The following MIR2052HG variants were observed in gnomAD, a reference collection of about 807,000 sequenced individuals.
The protein encoded by MIR2052HG is MIR2052 host gene.
intron 2 of MIR2052HG, among the ~76,000 whole-genome samples, chr8:74,666,351 A>G (rs1410566284): frequency 6.6e-6 from 1 of 152,210 alleles, no homozygotes; most frequent in African/African-American, 2.4e-5. Flanking sequence ...CCTAACTTCA[A>G]AGCCCACCCA....
At chr8:74,663,402 A>T (rs887976142) in intron 2 of MIR2052HG, among the ~76,000 whole-genome samples, 4 of 152,196 alleles carry the variant, frequency 2.6e-5, no homozygotes, top group African/African-American at 9.6e-5. Flanking sequence ...GTTTTTACCT[A>T]TCCCAAATTT....
chr8:74,651,357 T>TG (rs1808749399), intron 2 of MIR2052HG, among the ~76,000 whole-genome samples: 1 of 152,132 alleles, frequency 6.6e-6, no homozygotes, highest in South Asian at 2.1e-4. Context: ...TGAATGTGTT[T>TG]GACAGGTAAT....
intron 1 of MIR2052HG, among the ~76,000 whole-genome samples, chr8:74,601,566 C>G (rs1025092122): frequency 6.6e-6 from 1 of 152,196 alleles, no homozygotes; most frequent in African/African-American, 2.4e-5. Context: ...TAATATTGAT[C>G]AAACTTTATA....
chr8:74,636,615 A>T (rs1267281962), intron 2 of MIR2052HG, among the ~76,000 whole-genome samples: 1 of 152,146 alleles, frequency 6.6e-6, no homozygotes, highest in African/African-American at 2.4e-5. Context: ...GTCTTTCACC[A>T]TTTTATGGCT....
chr8:74,646,901 C>T (rs1808694270), intron 2 of MIR2052HG, among the ~76,000 whole-genome samples: 1 of 152,000 alleles, frequency 6.6e-6, no homozygotes. Flanking sequence ...GAACTTCAGT[C>T]TGGGTAACAG....
At chr8:74,621,349 C>T (rs781641820) in intron 2 of MIR2052HG, among the ~76,000 whole-genome samples, 1 of 152,190 alleles carries the variant, frequency 6.6e-6, no homozygotes, top group Non-Finnish European at 1.5e-5. Flanking sequence ...TTTATAGCAG[C>T]ACTCCACTCT....
chr8:74,714,678 G>A (rs1174512489), intron 4 of MIR2052HG, among the ~76,000 whole-genome samples: 1 of 149,742 alleles, frequency 6.7e-6, no homozygotes, highest in Non-Finnish European at 1.5e-5. Context: ...AGCCTTCTTT[G>A]GGAGACCTCC....
At chr8:74,729,208 GA>G (rs1397889563) in intron 4 of MIR2052HG, among the ~76,000 whole-genome samples, 10 of 152,132 alleles carry the variant, frequency 6.6e-5, no homozygotes, top group Non-Finnish European at 1.0e-4. Flanking sequence ...AAGCTCCTCT[GA>G]TTTGATTGCT....
intron 1 of MIR2052HG, among the ~76,000 whole-genome samples, chr8:74,604,607 T>TTTTG (rs1563509484): frequency 2.1e-5 from 3 of 140,982 alleles, no homozygotes; most frequent in African/African-American, 8.2e-5. Context: ...TTTTTTTTTT[T>TTTTG]TCTGAGACGG....
At chr8:74,651,474 T>A (rs1401564422) in intron 2 of MIR2052HG, among the ~76,000 whole-genome samples, 1 of 152,110 alleles carries the variant, frequency 6.6e-6, no homozygotes, top group Non-Finnish European at 1.5e-5. Flanking sequence ...TAGTATAACA[T>A]TTATAACATA....
chr8:74,625,113 T>C (rs1489235446), intron 2 of MIR2052HG: 2 of 152,144 alleles, frequency 1.3e-5, no homozygotes, highest in Non-Finnish European at 2.9e-5. Flanking sequence ...GGTTGGAGTT[T>C]AGCGGTGTGA....
chr8:74,719,880 G>A (rs1418112850), intron 4 of MIR2052HG, among the ~76,000 whole-genome samples: 1 of 103,462 alleles, frequency 9.7e-6, no homozygotes, highest in African/African-American at 3.9e-5. Flanking sequence ...AGGGAGTCTT[G>A]CTCTGTCGCC....
chr8:74,624,915 G>A (rs140273653), intron 2 of MIR2052HG, among the ~76,000 whole-genome samples: 386 of 152,290 alleles, frequency 2.5e-3, no homozygotes, highest in African/African-American at 8.5e-3. Context: ...AAGGAGTTAA[G>A]GAAGAAGATC....
chr8:74,726,066 A>C (rs1809632435), intron 4 of MIR2052HG, among the ~76,000 whole-genome samples: 1 of 151,986 alleles, frequency 6.6e-6, no homozygotes, highest in Non-Finnish European at 1.5e-5. Flanking sequence ...GGTCGTGGGC[A>C]CCTGTAATCT....
chr8:74,754,924 C>T (rs905933953), intron 5 of MIR2052HG, among the ~76,000 whole-genome samples: 2 of 152,182 alleles, frequency 1.3e-5, no homozygotes, highest in Non-Finnish European at 2.9e-5. Flanking sequence ...ACAACCATTG[C>T]TATCTTAGGG....
At chr8:74,752,534 G>C (rs1809958726) in intron 5 of MIR2052HG, 1 of 454,948 alleles carries the variant, frequency 2.2e-6, no homozygotes, top group Non-Finnish European at 4.4e-6. Context: ...TCATCTGAAA[G>C]TAAGTAGGAA....
At chr8:74,682,675 C>A (rs1487983786) in intron 2 of MIR2052HG, among the ~76,000 whole-genome samples, 1 of 152,070 alleles carries the variant, frequency 6.6e-6, no homozygotes, top group Non-Finnish European at 1.5e-5. Flanking sequence ...TTGAGTGCTC[C>A]AATGTTGCTG....
intron 2 of MIR2052HG, among the ~76,000 whole-genome samples, chr8:74,662,174 A>G (rs1396685106): frequency 6.6e-6 from 1 of 152,198 alleles, no homozygotes; most frequent in East Asian, 1.9e-4. Context: ...CTTAGAATCT[A>G]GATTATAATA....
chr8:74,659,810 G>A (rs1398938342), intron 2 of MIR2052HG, among the ~76,000 whole-genome samples: 1 of 152,078 alleles, frequency 6.6e-6, no homozygotes, highest in African/African-American at 2.4e-5. Context: ...GCACTTACAG[G>A]TAATTGAATT....
Sources: allele counts gnomAD v4.1 joint callset (sites outside exome capture counted in the v4.1 genomes callset), GRCh38; gene constraint gnomAD v4.1.1; transcripts MANE v1.5; gene names NCBI Gene and HGNC (gene_info 2026-07-23, HGNC 2026-07-21).